Variants in TMEM132D observed in about 807,000 individuals in gnomAD.
TMEM132D encodes the protein transmembrane protein 132D.
A neutral mutation model predicts 62.3 loss-of-function variants in TMEM132D; 21 were observed. That is an observed-to-expected ratio of 0.34 (90% CI 0.24 to 0.49). The LOEUF (loss-of-function observed/expected upper bound fraction) is 0.49, where lower values mean the gene tolerates loss of function less well. Ranked by LOEUF, TMEM132D falls within the 20% of genes least tolerant of loss-of-function variation. The pLI is 0.99. For missense variants in TMEM132D, 1,346 were observed against 1,402.8 expected (o/e 0.96, Z 0.65); for synonymous variants, 621 against 575.6 (o/e 1.08, Z -1.13).
At chr12:129,548,304 C>T (rs1876796325) in intron 2 of TMEM132D, among the ~76,000 whole-genome samples, 1 of 152,210 alleles carries the variant, frequency 6.6e-6, no homozygotes. Context: ...TTCTCTCTTT[C>T]CACAGTCCCT....
At chr12:129,696,613 C>T (rs1032371131) in intron 2 of TMEM132D, among the ~76,000 whole-genome samples, 16 of 152,164 alleles carry the variant, frequency 1.1e-4, no homozygotes, top group African/African-American at 1.4e-4. Context: ...TGAAAAGCAA[C>T]GAAAGAATAA....
intron 1 of TMEM132D, among the ~76,000 whole-genome samples, chr12:129,823,352 T>A (rs1050621052): frequency 2.6e-5 from 4 of 152,262 alleles, no homozygotes; most frequent in Admixed American, 2.0e-4. Context: ...CCCCAGCATA[T>A]GCTGAAATTC....
At chr12:129,645,336 T>C (rs1245417000) in intron 2 of TMEM132D, among the ~76,000 whole-genome samples, 1 of 152,174 alleles carries the variant, frequency 6.6e-6, no homozygotes, top group Non-Finnish European at 1.5e-5. Context: ...ATAACCTGAT[T>C]CTGGCTATGC....
chr12:129,221,758 T>C (rs1879351702), intron 4 of TMEM132D, among the ~76,000 whole-genome samples: 1 of 152,192 alleles, frequency 6.6e-6, no homozygotes. Context: ...CCTGTCCTTG[T>C]CTTTTGCTTG....
intron 3 of TMEM132D, among the ~76,000 whole-genome samples, chr12:129,486,296 C>T (rs1874577079): frequency 6.6e-6 from 1 of 152,040 alleles, no homozygotes; most frequent in Non-Finnish European, 1.5e-5. Context: ...TGGTATTTTT[C>T]TTCATCTCCA....
chr12:129,724,890 G>A (rs545802343), intron 1 of TMEM132D, among the ~76,000 whole-genome samples: 1 of 152,320 alleles, frequency 6.6e-6, no homozygotes, highest in South Asian at 2.1e-4. Flanking sequence ...TATACAGCTA[G>A]GCACACGGGA....
intron 4 of TMEM132D, among the ~76,000 whole-genome samples, chr12:129,327,090 G>A (rs1405099184): frequency 6.6e-6 from 1 of 152,116 alleles, no homozygotes; most frequent in Non-Finnish European, 1.5e-5. Context: ...AGTGACAATA[G>A]TAGGTGCTTC....
At chr12:129,793,700 A>T (rs968636379) in intron 1 of TMEM132D, among the ~76,000 whole-genome samples, 2 of 152,234 alleles carry the variant, frequency 1.3e-5, no homozygotes, top group Non-Finnish European at 2.9e-5. Context: ...TGATAAACAC[A>T]GCCAAACTGC....
At chr12:129,694,779 C>T (rs1204060181) in intron 2 of TMEM132D, among the ~76,000 whole-genome samples, 3 of 152,138 alleles carry the variant, frequency 2.0e-5, no homozygotes, top group South Asian at 2.1e-4. Context: ...GAGGCTGAGG[C>T]GGGCAGCTCA....
At chr12:129,440,050 C>A (rs1872897056) in intron 3 of TMEM132D, among the ~76,000 whole-genome samples, 1 of 152,156 alleles carries the variant, frequency 6.6e-6, no homozygotes, top group Non-Finnish European at 1.5e-5. Context: ...TTTGGCGAAG[C>A]CTGACCAAGT....
intron 3 of TMEM132D, among the ~76,000 whole-genome samples, chr12:129,407,992 C>A (rs911413112): frequency 6.6e-6 from 1 of 152,130 alleles, no homozygotes; most frequent in Non-Finnish European, 1.5e-5. Flanking sequence ...CCTAACTTCA[C>A]CCCACCTCCT....
At chr12:129,588,386 G>A (rs926414061) in intron 2 of TMEM132D, among the ~76,000 whole-genome samples, 3 of 152,062 alleles carry the variant, frequency 2.0e-5, no homozygotes, top group East Asian at 1.9e-4. Context: ...TGAATCACTC[G>A]TCAATACATA....
intron 1 of TMEM132D, among the ~76,000 whole-genome samples, chr12:129,711,091 C>T (rs1326592483): frequency 1.3e-5 from 2 of 152,202 alleles, no homozygotes; most frequent in African/African-American, 4.8e-5. Context: ...TCCTTCTCAG[C>T]ACCTTCCCTC....
chr12:129,430,426 G>T (rs991807133), intron 3 of TMEM132D, among the ~76,000 whole-genome samples: 118 of 152,142 alleles, frequency 7.8e-4, no homozygotes, highest in African/African-American at 2.5e-3. Context: ...TTTTTGATGG[G>T]GTTTTTTCTT....
chr12:129,223,141 GT>G (rs1218351618), intron 4 of TMEM132D, among the ~76,000 whole-genome samples: 1 of 152,066 alleles, frequency 6.6e-6, no homozygotes, highest in Admixed American at 6.5e-5. Context: ...CCATGTGGAA[GT>G]GGAGTCTGGT....
At chr12:129,444,219 G>T (rs1873026617) in intron 3 of TMEM132D, among the ~76,000 whole-genome samples, 1 of 152,124 alleles carries the variant, frequency 6.6e-6, no homozygotes, top group African/African-American at 2.4e-5. Context: ...TCATGATGAA[G>T]ACATCAAAAG....
chr12:129,395,589 T>C (rs1348585835), intron 3 of TMEM132D, among the ~76,000 whole-genome samples: 1 of 151,906 alleles, frequency 6.6e-6, no homozygotes, highest in Non-Finnish European at 1.5e-5. Flanking sequence ...AAAGAATGGG[T>C]ATTCTTTTCT....
chr12:129,589,222 G>T (rs1878123511), intron 2 of TMEM132D, among the ~76,000 whole-genome samples: 1 of 152,114 alleles, frequency 6.6e-6, no homozygotes, highest in South Asian at 2.1e-4. Flanking sequence ...TCATTGTAGT[G>T]AATAAGTCTC....
At chr12:129,637,690 T>C (rs1879520786) in intron 2 of TMEM132D, among the ~76,000 whole-genome samples, 1 of 152,204 alleles carries the variant, frequency 6.6e-6, no homozygotes, top group African/African-American at 2.4e-5. Context: ...CTCATGGTTC[T>C]GCAGTCAGTA....
Sources: gnomAD v4.1 joint callset for allele counts (sites outside exome capture counted in the v4.1 genomes callset) on GRCh38, gnomAD v4.1.1 for gene constraint, MANE v1.5 for transcripts, NCBI Gene and HGNC (gene_info 2026-07-23, HGNC 2026-07-21) for gene names.